The following ZDHHC21 variants were observed in gnomAD, a reference collection of about 807,000 sequenced individuals.
ZDHHC21 encodes zDHHC palmitoyltransferase 21, also known as palmitoyltransferase ZDHHC21.
ZDHHC21 carries 15 observed loss-of-function variants against 34.6 expected under a neutral mutation model. The observed-to-expected ratio is 0.43, with a 90% CI of 0.29 to 0.67. ZDHHC21 has a LOEUF of 0.67. Ranked by LOEUF, ZDHHC21 falls within the 30% of genes least tolerant of loss-of-function variation. The pLI is 0.14. For missense variants in ZDHHC21, 344 were observed against 327.7 expected (o/e 1.05, Z -0.38); for synonymous variants, 142 against 101.8 (o/e 1.40, Z -2.38).
chr9:14,609,730 G>C (rs1472018502), downstream of ZDHHC21, among the ~76,000 whole-genome samples: 2 of 151,986 alleles, frequency 1.3e-5, no homozygotes, highest in Non-Finnish European at 2.9e-5. Context: ...AGAGACCAGT[G>C]GATTTTAAGA....
chr9:14,692,671 T>C (rs1839328064), intron 1 of ZDHHC21, among the ~76,000 whole-genome samples: 1 of 152,052 alleles, frequency 6.6e-6, no homozygotes, highest in African/African-American at 2.4e-5. Context: ...ACTGCTGCCA[T>C]CCATAAGCCA....
intron 7 of ZDHHC21, among the ~76,000 whole-genome samples, chr9:14,655,151 G>C (rs961816881): frequency 6.6e-6 from 1 of 152,002 alleles, no homozygotes. Context: ...GTAACAGTAA[G>C]ACCAACAACT....
intron 5 of ZDHHC21, among the ~76,000 whole-genome samples, chr9:14,663,214 G>C (rs973085984): frequency 6.6e-6 from 1 of 152,068 alleles, no homozygotes; most frequent in Non-Finnish European, 1.5e-5. Flanking sequence ...AAATATATTG[G>C]AATGGAATTT....
intron 7 of ZDHHC21, among the ~76,000 whole-genome samples, chr9:14,657,609 T>C (rs1383704781): frequency 1.3e-5 from 2 of 152,124 alleles, no homozygotes; most frequent in South Asian, 2.1e-4. Context: ...AAAGCAGCCA[T>C]AGACAATATA....
At chr9:14,657,549 C>T (rs1194217756) in intron 7 of ZDHHC21, among the ~76,000 whole-genome samples, 1 of 152,114 alleles carries the variant, frequency 6.6e-6, no homozygotes, top group Non-Finnish European at 1.5e-5. Flanking sequence ...TTAGGCTTTA[C>T]AGACCATACA....
intron 7 of ZDHHC21, among the ~76,000 whole-genome samples, chr9:14,640,615 A>G (rs777821092): frequency 6.6e-6 from 1 of 152,138 alleles, no homozygotes; most frequent in Non-Finnish European, 1.5e-5. Context: ...CGTAACAGAA[A>G]TGTATAAATG....
chr9:14,628,387 G>T (rs112552657), intron 8 of ZDHHC21, among the ~76,000 whole-genome samples: 11 of 152,162 alleles, frequency 7.2e-5, no homozygotes, highest in African/African-American at 2.2e-4. Context: ...ATGAATAATG[G>T]TAAAAAATTA....
chr9:14,595,448 C>T, the ZDHHC21 span, among the ~76,000 whole-genome samples: 2 of 152,092 alleles, frequency 1.3e-5, no homozygotes, highest in Non-Finnish European at 2.9e-5. Context: ...ATAGTAACTG[C>T]CTAGAAAAAT....
intron 8 of ZDHHC21, 47 bp from the exon 9 acceptor site, chr9:14,619,729 T>A (rs73644810): frequency 0.03 from 29,666 of 1,003,786 alleles, 2,448 homozygotes; most frequent in African/African-American, 0.28. Context: ...AGTTATTAAG[T>A]CTTTATTCTG....
intron 7 of ZDHHC21, among the ~76,000 whole-genome samples, chr9:14,650,919 T>C (rs1831132946): frequency 2.0e-5 from 3 of 151,960 alleles, no homozygotes; most frequent in Admixed American, 6.6e-5. Context: ...GCAGTTAGTA[T>C]GCTTTTCCCC....
chr9:14,662,097 T>C, intron 6 of ZDHHC21, 118 bp downstream of exon 6: 1 of 588,136 alleles, frequency 1.7e-6, no homozygotes, highest in Non-Finnish European at 2.8e-6. Context: ...GATATCCTTA[T>C]TAAGATATTG....
At chr9:14,664,194 C>T (rs532142663) in intron 5 of ZDHHC21, among the ~76,000 whole-genome samples, 2 of 146,784 alleles carry the variant, frequency 1.4e-5, no homozygotes, top group African/African-American at 4.9e-5. Flanking sequence ...TTGCCTCACT[C>T]GGGAAGCGCA....
At chr9:14,654,561 G>C (rs1052132778) in intron 7 of ZDHHC21, among the ~76,000 whole-genome samples, 2 of 151,942 alleles carry the variant, frequency 1.3e-5, no homozygotes, top group African/African-American at 4.8e-5. Flanking sequence ...CCCACAAGGG[G>C]ATCTCAAAGT....
intron 5 of ZDHHC21, among the ~76,000 whole-genome samples, chr9:14,662,718 G>C (rs981963491): frequency 2.6e-5 from 4 of 152,076 alleles, no homozygotes; most frequent in Admixed American, 2.0e-4. Flanking sequence ...ATTTTCTAAA[G>C]GCTCTAAAGA....
Position 14,640,594 on chromosome 9 carries a change from G to A in ZDHHC21, c.505-582C>T, listed in dbSNP as rs115887971. Among the ~76,000 whole-genome samples, 795 of 152,164 alleles carry A rather than the reference G, an allele frequency of 5.2e-3. 9 individuals are homozygous for A. Among genetic ancestry groups the A allele is most frequent in the African/African-American group, 0.018 (759 of 41,548 alleles). The stretch of plus-strand genomic sequence containing the variant: ...CCAGTCACCCAACCACCATTGCCAA[G>A]CATTGTGTTACGTAACAGAAATGTA... On this transcript the variant is annotated intron_variant, in intron 7 of 9. Coordinates refer to ENST00000380916, the MANE Select transcript of ZDHHC21 (RefSeq NM_178566.6).
rs1374471632 is a variant in ZDHHC21, at chr9:14,614,112, G to A, written c.*4854C>T. The A allele has an allele frequency of 6.6e-6, 1 of 151,748 alleles. No homozygotes were observed. The highest frequency in any genetic ancestry group is 1.5e-5 in the Non-Finnish European group (1 of 67,760). 9.4% of individuals were successfully genotyped at this position (151,748 alleles called of 1,614,324 possible). On this transcript the variant is annotated 3_prime_UTR_variant, in exon 10 of 10. Transcript: ENST00000380916. ...ACAGCAAAGAGATTCTCTGATGTCA[G>A]AAACTGGCTCCAGTCAACTCTGTTG...
chr9:14,635,777 C>G (rs1253197867), intron 8 of ZDHHC21, among the ~76,000 whole-genome samples: 4 of 152,054 alleles, frequency 2.6e-5, no homozygotes, highest in Non-Finnish European at 5.9e-5. Flanking sequence ...ACAAGAATTG[C>G]TTGAACCTGG....
At chr9:14,661,721 A>T (rs1311129954) in intron 6 of ZDHHC21, among the ~76,000 whole-genome samples, 1 of 152,212 alleles carries the variant, frequency 6.6e-6, no homozygotes, top group Non-Finnish European at 1.5e-5. Flanking sequence ...TACTTCCAAC[A>T]AGTACATAAT....
At chr9:14,667,192 C>T (rs1456910629) in intron 5 of ZDHHC21, among the ~76,000 whole-genome samples, 4 of 144,564 alleles carry the variant, frequency 2.8e-5, no homozygotes, top group Non-Finnish European at 6.1e-5. Flanking sequence ...CACAGAAATA[C>T]CAACTACCAT....
Sources: gnomAD v4.1 joint callset for allele counts (sites outside exome capture counted in the v4.1 genomes callset) on GRCh38, gnomAD v4.1.1 for gene constraint, MANE v1.5 for transcripts, NCBI Gene and HGNC (gene_info 2026-07-23, HGNC 2026-07-21) for gene names.